The following HDAC9 variants were observed in gnomAD, a reference collection of about 807,000 sequenced individuals.
HDAC9 encodes the protein MEF-2 interacting transcription repressor (MITR) protein.
HDAC9 carries 41 observed loss-of-function variants against 139.4 expected under a neutral mutation model. That is an observed-to-expected ratio of 0.29 (90% CI 0.23 to 0.38). The LOEUF (loss-of-function observed/expected upper bound fraction) is 0.38. Ranked by LOEUF, HDAC9 falls within the 10% of genes least tolerant of loss-of-function variation. The pLI, the probability that HDAC9 is intolerant of heterozygous loss-of-function variation, is 1.00. For synonymous variants in HDAC9, 517 were observed against 476.2 expected (o/e 1.09, Z -1.12); for missense variants, 1,147 against 1,297.0 (o/e 0.88, Z 1.78).
chr7:18,706,347 C>A (rs1295707405), intron 12 of HDAC9, among the ~76,000 whole-genome samples: 1 of 151,816 alleles, frequency 6.6e-6, no homozygotes, highest in Non-Finnish European at 1.5e-5. Context: ...TTTTTCAATA[C>A]CTACCATGGA....
chr7:18,276,610 C>T (rs1238685543), intron 2 of HDAC9, among the ~76,000 whole-genome samples: 2 of 152,134 alleles, frequency 1.3e-5, no homozygotes, highest in African/African-American at 4.8e-5. Flanking sequence ...CATTTCTCAG[C>T]TTGACAGAGC....
At chr7:18,760,690 G>A (rs1789305622) in intron 14 of HDAC9, among the ~76,000 whole-genome samples, 1 of 152,204 alleles carries the variant, frequency 6.6e-6, no homozygotes, top group African/African-American at 2.4e-5. Flanking sequence ...GTGTTAATGA[G>A]ATTTTGCTTT....
intron 1 of HDAC9, among the ~76,000 whole-genome samples, chr7:18,389,783 T>C (rs1281123631): frequency 6.6e-6 from 1 of 152,184 alleles, no homozygotes; most frequent in East Asian, 1.9e-4. Flanking sequence ...TGTGAACTAA[T>C]CATTAATATC....
intron 16 of HDAC9, among the ~76,000 whole-genome samples, chr7:18,777,786 G>A (rs1287363619): frequency 6.6e-6 from 1 of 151,962 alleles, no homozygotes; most frequent in Non-Finnish European, 1.5e-5. Context: ...AAAGGGACAG[G>A]TAAGGTGCCC....
intron 5 of HDAC9, among the ~76,000 whole-genome samples, chr7:18,591,968 G>A (rs1674364869): frequency 6.6e-6 from 1 of 152,144 alleles, no homozygotes; most frequent in African/African-American, 2.4e-5. Flanking sequence ...CAAATGTGAG[G>A]TGGGCAAAGA....
At chr7:18,702,229 G>A (rs1475137944) in intron 12 of HDAC9, among the ~76,000 whole-genome samples, 4 of 152,114 alleles carry the variant, frequency 2.6e-5, no homozygotes, top group African/African-American at 9.7e-5. Context: ...CTGCTTTTTG[G>A]AGACCTGCTA....
At chr7:18,795,257 TA>T (rs5882676) in intron 17 of HDAC9, among the ~76,000 whole-genome samples, 8,856 of 65,220 alleles carry the variant, frequency 0.14, 216 homozygotes, top group East Asian at 0.28. Flanking sequence ...AAGAAAACAG[TA>T]AAAAAAAAAA....
At chr7:18,622,161 G>T (rs1040478423) in intron 6 of HDAC9, among the ~76,000 whole-genome samples, 1 of 152,202 alleles carries the variant, frequency 6.6e-6, no homozygotes, top group Non-Finnish European at 1.5e-5. Flanking sequence ...GTGTGGAGAA[G>T]TTGACAGATA....
chr7:18,329,952 A>G lies in HDAC9; in HGVS notation c.-42+39437A>G, dbSNP rs181481612. ...TTTACTTCTAAGGTACTTTGGGTCT[A>G]TTTTATTGCTGCATTCTAAGGCTTG... On this transcript the variant is annotated intron_variant, in intron 1 of 3. Coordinates refer to the HDAC9 transcript ENST00000413509. Among the ~76,000 whole-genome samples the G allele has an allele frequency of 3.9e-3, 587 of 149,840 alleles. 3 individuals carry two copies. The highest frequency in any genetic ancestry group is 0.014 in the African/African-American group (565 of 40,862).
At chr7:18,374,254 T>C (rs755649890) in intron 1 of HDAC9, among the ~76,000 whole-genome samples, 51 of 151,782 alleles carry the variant, frequency 3.4e-4, no homozygotes, top group Non-Finnish European at 6.2e-4. Context: ...TTAGAAGTTA[T>C]ATATATATGT....
At chr7:18,446,851 A>G (rs893872991) in intron 1 of HDAC9, among the ~76,000 whole-genome samples, 2 of 152,332 alleles carry the variant, frequency 1.3e-5, no homozygotes, top group East Asian at 3.9e-4. Flanking sequence ...ACAGTTGTAC[A>G]TTATCCACAA....
chr7:18,269,482 A>G (rs1314579386), intron 2 of HDAC9, among the ~76,000 whole-genome samples: 2 of 152,194 alleles, frequency 1.3e-5, no homozygotes, highest in Non-Finnish European at 2.9e-5. Flanking sequence ...CCTGAAGTGT[A>G]TGCACCAGAA....
At chr7:18,759,695 A>G (rs1267239961) in intron 14 of HDAC9, among the ~76,000 whole-genome samples, 3 of 152,160 alleles carry the variant, frequency 2.0e-5, no homozygotes, top group African/African-American at 7.2e-5. Context: ...TCTGGTGCCA[A>G]AAAGATTGGA....
intron 22 of HDAC9, among the ~76,000 whole-genome samples, chr7:18,914,436 A>G (rs940012438): frequency 8.6e-5 from 13 of 151,914 alleles, no homozygotes; most frequent in Admixed American, 2.6e-4. Flanking sequence ...TTTCAACTCT[A>G]TCTGTACAAT....
intron 21 of HDAC9, among the ~76,000 whole-genome samples, chr7:18,865,085 A>AC (rs1431890065): frequency 6.6e-6 from 1 of 152,156 alleles, no homozygotes; most frequent in Non-Finnish European, 1.5e-5. Flanking sequence ...ATTTGCTTCC[A>AC]CCAGAAGAGA....
chr7:18,800,562 G>A (rs776299910), intron 17 of HDAC9, among the ~76,000 whole-genome samples: 3 of 152,140 alleles, frequency 2.0e-5, no homozygotes, highest in Non-Finnish European at 4.4e-5. Flanking sequence ...GCAAGGGATG[G>A]CGGTGCATGC....
intron 2 of HDAC9, among the ~76,000 whole-genome samples, chr7:18,574,935 C>T (rs528635078): frequency 7.9e-5 from 12 of 152,320 alleles, no homozygotes; most frequent in African/African-American, 2.4e-4. Flanking sequence ...CAGCTGCACC[C>T]CGGAGGGTGG....
intron 24 of HDAC9, among the ~76,000 whole-genome samples, chr7:18,966,802 C>G (rs1242300059): frequency 6.6e-6 from 1 of 152,104 alleles, no homozygotes; most frequent in Non-Finnish European, 1.5e-5. Flanking sequence ...AAAGGACCAG[C>G]CTTCCATACA....
chr7:18,302,438 G>A (rs1348668883), intron 1 of HDAC9, among the ~76,000 whole-genome samples: 1 of 152,194 alleles, frequency 6.6e-6, no homozygotes, highest in Non-Finnish European at 1.5e-5. Context: ...TGTCAAAGAA[G>A]GGCGTTAGTC....
Sources: gnomAD v4.1 joint callset for allele counts (sites outside exome capture counted in the v4.1 genomes callset) on GRCh38, gnomAD v4.1.1 for gene constraint, MANE v1.5 for transcripts, NCBI Gene and HGNC (gene_info 2026-07-23, HGNC 2026-07-21) for gene names.